Variants in ZNF609 observed in about 807,000 individuals in gnomAD.
ZNF609 encodes zinc finger protein 609.
ZNF609 carries 11 observed loss-of-function variants against 109.5 expected under a neutral mutation model. That is an observed-to-expected ratio of 0.10 (90% CI 0.06 to 0.17). The LOEUF is 0.17. Among genes scored for constraint, ZNF609 ranks in the 10% least tolerant of loss-of-function variants. The pLI is 1.00. For missense variants in ZNF609, 1,559 were observed against 1,772.4 expected, an observed-to-expected ratio of 0.88 and a Z score of 2.16; for synonymous variants, 646 against 662.0, an observed-to-expected ratio of 0.98 and a Z score of 0.37.
chr15:64,487,676 C>T lies in ZNF609; in HGVS notation c.-127-11617C>T, dbSNP rs184232710. On this transcript the variant is annotated intron_variant, in intron 1 of 9. Coordinates refer to ENST00000326648, the MANE Select transcript of ZNF609 (RefSeq NM_015042.2). Reference sequence around the variant, plus strand: ...GAGACGGAGTCTTGCTCTGTCGCCCCGGCTGGAGTGCGGTGGCACAATCTC... The same window carrying T: ...GAGACGGAGTCTTGCTCTGTCGCCCTGGCTGGAGTGCGGTGGCACAATCTC... Among the ~76,000 whole-genome samples the T allele has an allele frequency of 4.3e-3, 652 of 151,884 alleles. 8 individuals carry two copies. Among genetic ancestry groups the T allele is most frequent in the African/African-American group, 0.015 (631 of 41,448 alleles).
intron 2 of ZNF609, among the ~76,000 whole-genome samples, chr15:64,583,042 C>A (rs1191178470): frequency 6.6e-6 from 1 of 150,818 alleles, no homozygotes; most frequent in Non-Finnish European, 1.5e-5. Context: ...TGAGCCACCA[C>A]GCCGGGCCAA....
intron 2 of ZNF609, among the ~76,000 whole-genome samples, chr15:64,577,181 A>ATG (rs1349779648): frequency 1.5e-5 from 2 of 132,206 alleles, no homozygotes; most frequent in African/African-American, 5.7e-5. Flanking sequence ...ATATACATAT[A>ATG]TGTGTATATA....
intron 1 of ZNF609, among the ~76,000 whole-genome samples, chr15:64,489,215 T>A (rs974185113): frequency 9.9e-5 from 15 of 151,898 alleles, no homozygotes; most frequent in African/African-American, 3.4e-4. Context: ...AGATGGAGTC[T>A]CACTCTCTCT....
chr15:64,560,366 GT>G (rs540792035), intron 2 of ZNF609, among the ~76,000 whole-genome samples: 4,380 of 144,844 alleles, frequency 0.03, 77 homozygotes, highest in Middle Eastern at 0.054. Flanking sequence ...TTTTTAATTT[GT>G]TTTTTTTTTT....
intron 2 of ZNF609, among the ~76,000 whole-genome samples, chr15:64,514,617 C>T (rs1311257793): frequency 6.6e-6 from 1 of 152,052 alleles, no homozygotes; most frequent in African/African-American, 2.4e-5. Context: ...CTCACTTTCA[C>T]CTTTAGATTC....
At chr15:64,486,524 CAA>C (rs35701301) in intron 1 of ZNF609, among the ~76,000 whole-genome samples, 229 of 113,038 alleles carry the variant, frequency 2.0e-3, no homozygotes, top group Middle Eastern at 8.9e-3. Flanking sequence ...ACTCTGTCTC[CAA>C]AAAAAAAAAA....
rs1893345266 is a variant in ZNF609, at chr15:64,487,190, A to T, written c.-127-12103A>T. Among the ~76,000 whole-genome samples, 3 of 152,078 alleles carry T rather than the reference A, an allele frequency of 2.0e-5. No individual in the cohort carries two copies. In the South Asian group the frequency reaches 6.2e-4, roughly 32 times the overall value. On this transcript the variant is annotated intron_variant, in intron 1 of 9. Transcript: ENST00000326648. ...TCTCCAACAGATCTATAAATCTCATAGTCAAACATCAAGTAATCTGTAAGT... is the reference window on the plus strand; with the variant it reads ...TCTCCAACAGATCTATAAATCTCATTGTCAAACATCAAGTAATCTGTAAGT...
chr15:64,459,968 G>T (rs55644048), upstream of ZNF609, among the ~76,000 whole-genome samples: 9,311 of 152,262 alleles, frequency 0.061, 288 homozygotes, highest in South Asian at 0.087. Flanking sequence ...TTTAGTGATA[G>T]AGGATGGTGA....
chr15:64,584,168 A>G (rs1255472663), intron 2 of ZNF609, among the ~76,000 whole-genome samples: 25 of 152,136 alleles, frequency 1.6e-4, no homozygotes, highest in Admixed American at 1.6e-3. Context: ...TGTGCCTTTT[A>G]AGAGGGTTCC....
chr15:64,515,806 C>T (rs1388162217), intron 2 of ZNF609, among the ~76,000 whole-genome samples: 2 of 152,026 alleles, frequency 1.3e-5, no homozygotes, highest in Non-Finnish European at 1.5e-5. Flanking sequence ...GTCGTGGTGG[C>T]ACACGCCTGT....
intron 2 of ZNF609, among the ~76,000 whole-genome samples, chr15:64,591,244 A>G (rs1242863256): frequency 6.6e-6 from 1 of 152,172 alleles, no homozygotes; most frequent in African/African-American, 2.4e-5. Flanking sequence ...CCTGGCCAAC[A>G]TGGTGAAACC....
chr15:64,475,618 C>T (rs1199507151), intron 1 of ZNF609, among the ~76,000 whole-genome samples: 1 of 152,006 alleles, frequency 6.6e-6, no homozygotes, highest in Non-Finnish European at 1.5e-5. Flanking sequence ...GTCTCGAACT[C>T]CTGACCTCGT....
intron 2 of ZNF609, among the ~76,000 whole-genome samples, chr15:64,599,119 T>C (rs1734696064): frequency 6.7e-6 from 1 of 149,210 alleles, no homozygotes; most frequent in African/African-American, 2.5e-5. Context: ...TTCTCTTTCC[T>C]GTAGTGCTGG....
intron 1 of ZNF609, among the ~76,000 whole-genome samples, chr15:64,482,595 G>A (rs1196755219): frequency 6.6e-6 from 1 of 151,928 alleles, no homozygotes; most frequent in African/African-American, 2.4e-5. Flanking sequence ...CAGAGTGAAG[G>A]GACTAAAAAC....
At chr15:64,582,290 C>G (rs1474241509) in intron 2 of ZNF609, among the ~76,000 whole-genome samples, 1 of 152,084 alleles carries the variant, frequency 6.6e-6, no homozygotes, top group Non-Finnish European at 1.5e-5. Context: ...ATTGTCTAAC[C>G]CTTTACAGAG....
rs1335662511 is a variant in ZNF609, at chr15:64,537,190, T to C, written c.747+37024T>C. 2.0e-5 allele frequency among the ~76,000 whole-genome samples: 3 copies of C among 149,048 alleles called. No homozygotes were observed. The Admixed American group carries it at 2.0e-4, about 10-fold the overall frequency. Reference sequence around the variant, plus strand: ...GTGAGTCGAGATCGTGCCACTGCACTCCAGCCTGGGTAACAGAGTGAGACT... The same window carrying C: ...GTGAGTCGAGATCGTGCCACTGCACCCCAGCCTGGGTAACAGAGTGAGACT... On this transcript the variant is annotated intron_variant, in intron 2 of 9. Transcript: ENST00000326648.
chr15:64,634,527 G>T (rs1198786998), intron 3 of ZNF609, among the ~76,000 whole-genome samples: 1 of 151,916 alleles, frequency 6.6e-6, no homozygotes, highest in Non-Finnish European at 1.5e-5. Context: ...AAAAGTATGT[G>T]TGTGAACTGT....
intron 2 of ZNF609, among the ~76,000 whole-genome samples, chr15:64,572,908 A>G (rs1351785198): frequency 6.6e-6 from 1 of 152,192 alleles, no homozygotes; most frequent in Non-Finnish European, 1.5e-5. Context: ...TCTTGAGAAA[A>G]AAAAGAAAAG....
At chr15:64,591,245 T>C (rs1049284146) in intron 2 of ZNF609, among the ~76,000 whole-genome samples, 5 of 152,056 alleles carry the variant, frequency 3.3e-5, no homozygotes, top group Non-Finnish European at 5.9e-5. Flanking sequence ...CTGGCCAACA[T>C]GGTGAAACCC....
Sources: gnomAD v4.1 joint callset for allele counts (sites outside exome capture counted in the v4.1 genomes callset) on GRCh38, gnomAD v4.1.1 for gene constraint, MANE v1.5 for transcripts, NCBI Gene and HGNC (gene_info 2026-07-23, HGNC 2026-07-21) for gene names.